The following TMED5 variants were observed in gnomAD, a reference collection of about 807,000 sequenced individuals.
The protein encoded by TMED5 is transmembrane p24 trafficking protein 5.
In TMED5, 27 loss-of-function variants were observed where a neutral mutation model predicts 23.0. The ratio of observed to expected loss-of-function variants is 1.17; its 90% CI spans 0.86 to 1.62. TMED5 has a LOEUF of 1.62. Among genes scored for constraint, TMED5 ranks in the 40% most tolerant of loss-of-function variants. TMED5 has a pLI of 0.00. For synonymous variants in TMED5, 97 were observed against 100.8 expected (o/e 0.96, Z 0.23); for missense variants, 248 against 273.7 (o/e 0.91, Z 0.66).
chr1:93,163,839 T>C (rs1331567996), intron 1 of TMED5, among the ~76,000 whole-genome samples: 1 of 151,334 alleles, frequency 6.6e-6, no homozygotes, highest in African/African-American at 2.4e-5. Context: ...AAAAATTAGC[T>C]GGACATGGTG....
In TMED5 at chr1:93,159,856, G is replaced by A. The variant is rs565714414; in HGVS notation, c.287+273C>T. ...CCAGAAGGCAGGTTTAAAATGCCAC[G>A]ATAGATTGAATGGAATACCAGGGGA... On this transcript the variant is annotated intron_variant, in intron 2 of 3. Transcript: ENST00000370282. Among the ~76,000 whole-genome samples the A allele has an allele frequency of 3.9e-5, 6 of 152,276 alleles. No individual in the cohort carries two copies. In the East Asian group the frequency reaches 7.7e-4, roughly 20 times the overall value.
At chr1:93,158,259 T>G (rs1261596020) in intron 2 of TMED5, among the ~76,000 whole-genome samples, 1 of 152,240 alleles carries the variant, frequency 6.6e-6, no homozygotes, top group Admixed American at 6.5e-5. Flanking sequence ...TATGCCTCAG[T>G]TTCCCCATTG....
intron 3 of TMED5, among the ~76,000 whole-genome samples, chr1:93,155,775 G>C (rs1251079735): frequency 6.6e-6 from 1 of 151,886 alleles, no homozygotes; most frequent in Non-Finnish European, 1.5e-5. Context: ...ACCATGCCTG[G>C]CAAATGATTT....
intron 1 of TMED5, among the ~76,000 whole-genome samples, chr1:93,165,344 AT>A (rs1359849513): frequency 6.6e-6 from 1 of 152,212 alleles, no homozygotes; most frequent in Non-Finnish European, 1.5e-5. Flanking sequence ...ACAATCTTTT[AT>A]TTTTTTAATC....
In TMED5 at chr1:93,178,126, T is replaced by C. The variant is rs565218526; in HGVS notation, c.189+1928A>G. The stretch of plus-strand genomic sequence containing the variant: ...GATCTGCTTAAATCTTAAATGGACT[T>C]GTACAAAATTAAGGAAAACCTACTC... On this transcript the variant is annotated intron_variant, in intron 1 of 3. Coordinates refer to ENST00000370282, the MANE Select transcript of TMED5 (RefSeq NM_016040.5). Among the ~76,000 whole-genome samples the C allele has an allele frequency of 2.8e-4, 43 of 152,282 alleles. No homozygotes were observed. The South Asian group carries it at 8.5e-3, about 30-fold the overall frequency.
chr1:93,158,143 A>T (rs1194445239), intron 2 of TMED5, among the ~76,000 whole-genome samples: 4 of 151,958 alleles, frequency 2.6e-5, no homozygotes, highest in Admixed American at 2.6e-4. Flanking sequence ...AAAAAAAAAA[A>T]AATTTGTAAA....
chr1:93,155,834 TA>T (rs947379612), intron 3 of TMED5, among the ~76,000 whole-genome samples: 8 of 152,196 alleles, frequency 5.3e-5, no homozygotes, highest in African/African-American at 1.9e-4. Flanking sequence ...ACCTATTACA[TA>T]ATGCATGTGT....
rs1216665954 is a variant in TMED5 at position 93,153,993 on chromosome 1, A to T, written c.*677T>A. On this transcript the variant is annotated 3_prime_UTR_variant, in exon 4 of 4. Coordinates refer to ENST00000370282, the MANE Select transcript of TMED5 (RefSeq NM_016040.5). ...AGAGAAAACATGTCCTAATTTTAGT[A>T]AGTGTAACTTTGTGTTTTTAAGAAT... The T allele has an allele frequency of 6.6e-6, 1 of 152,602 alleles. No homozygotes were observed. Among genetic ancestry groups the T allele is most frequent in the Non-Finnish European group, 1.5e-5 (1 of 67,992 alleles). The allele number at this position is 152,602 out of a possible 1,614,324, so 9.5% of individuals were successfully genotyped here. A position where few individuals can be genotyped will look rare whatever the true frequency, so the allele number is the denominator to read the frequency against.
At chr1:93,172,322 A>C (rs1359983145) in intron 1 of TMED5, among the ~76,000 whole-genome samples, 1 of 152,228 alleles carries the variant, frequency 6.6e-6, no homozygotes, top group Admixed American at 6.5e-5. Flanking sequence ...GCCAAAAAAA[A>C]ACCCGTCCCG....
At chr1:93,174,901 T>C (rs1329005267) in intron 1 of TMED5, among the ~76,000 whole-genome samples, 1 of 151,928 alleles carries the variant, frequency 6.6e-6, no homozygotes, top group African/African-American at 2.4e-5. Flanking sequence ...TTGCTGGGCA[T>C]TTAGTTGATT....
At chr1:93,155,585 C>T (rs543863674) in intron 3 of TMED5, among the ~76,000 whole-genome samples, 104 of 144,616 alleles carry the variant, frequency 7.2e-4, no homozygotes, top group African/African-American at 2.5e-3. Context: ...GGCACAATCT[C>T]GGCTCATTGC....
chr1:93,154,630 A>G lies in TMED5; in HGVS notation c.*40T>C, dbSNP rs1647989112. On this transcript the variant is annotated 3_prime_UTR_variant, in exon 4 of 4. Transcript: ENST00000370282. ...GACTGTAACAGTTTATTGCATTTTT[A>G]TGCCTCATTTTTCAATGTTACGTAC... 1.4e-6 allele frequency: 2 copies of G among 1,443,500 alleles called. No homozygotes were observed. The highest frequency in any genetic ancestry group is 1.7e-5 in the Admixed American group (1 of 57,834). The allele number at this position is 1,443,500 out of a possible 1,614,324, so 89.4% of individuals were successfully genotyped here. A position where few individuals can be genotyped will look rare whatever the true frequency, so the allele number is the denominator to read the frequency against.
chr1:93,156,182 A>C (rs41298525), intron 3 of TMED5, 118 bp downstream of exon 3: 23,184 of 1,177,620 alleles, frequency 0.02, 257 homozygotes, highest in Non-Finnish European at 0.023. Flanking sequence ...GCAAAAATAA[A>C]ATATTAGAAA....
intron 2 of TMED5, 57 bp from the exon 3 acceptor site, chr1:93,156,540 G>C: frequency 7.1e-7 from 1 of 1,400,550 alleles, no homozygotes; most frequent in Non-Finnish European, 1.0e-6. Flanking sequence ...GTGATGAAAA[G>C]CAACTAAAGG....
rs1005970342 is a variant in TMED5 at position 93,152,376 on chromosome 1, T to TA, written c.*2293dup. 3 of 152,278 alleles carry TA rather than the reference T, an allele frequency of 2.0e-5. No homozygotes were observed. Among genetic ancestry groups the TA allele is most frequent in the African/African-American group, 4.8e-5 (2 of 41,424 alleles). The allele number at this position is 152,278 out of a possible 1,614,324, so 9.4% of individuals were successfully genotyped here. A position where few individuals can be genotyped will look rare whatever the true frequency, so the allele number is the denominator to read the frequency against. ...TAATTTAGAAATGGAATAGTGAAAT[T>TA]AAAAAAAGCATATGAAGCAGATAAA... is the stretch of plus-strand genomic sequence containing the variant. On this transcript the variant is annotated 3_prime_UTR_variant, in exon 4 of 4. Coordinates refer to ENST00000370282, the MANE Select transcript of TMED5 (RefSeq NM_016040.5).
Position 93,156,423 on chromosome 1 carries a change from A to G in TMED5, c.348T>C (p.Ser116=), listed in dbSNP as rs1429727253. 1.2e-6 allele frequency: 2 copies of G among 1,613,964 alleles called. No individual in the cohort carries two copies. The highest frequency in any genetic ancestry group is 8.5e-7 in the Non-Finnish European group (1 of 1,179,886). ...FCFDNTFSTI[S]EKVIFFELIL... ...TTAATTCAAAGAAAATCACCTTCTC[A>G]GAAATGGTGCTGAATGTATTGTCAA... Residue 116 remains serine (S), a synonymous_variant, in exon 3 of 4, where the codon TCT becomes TCC. Transcript: ENST00000370282.
intron 1 of TMED5, among the ~76,000 whole-genome samples, chr1:93,166,112 G>C (rs1430458239): frequency 1.3e-5 from 2 of 152,200 alleles, no homozygotes; most frequent in African/African-American, 4.8e-5. Flanking sequence ...CTTTATGGCT[G>C]AATAGTACTC....
chr1:93,164,880 G>A (rs926872529), intron 1 of TMED5, among the ~76,000 whole-genome samples: 28 of 152,152 alleles, frequency 1.8e-4, no homozygotes, highest in African/African-American at 6.5e-4. Context: ...TTCATAATCA[G>A]GTTACTAAAG....
rs1647940375 is a variant in TMED5, at chr1:93,153,235, C to T, written c.*1435G>A. On this transcript the variant is annotated 3_prime_UTR_variant, in exon 4 of 4. Transcript: ENST00000370282. Reference sequence around the variant, plus strand: ...ACTTGAGTAAGACCCCCATAGACTTCAAAAAGCTAGATGGCAGAAACTTTG... The same window carrying T: ...ACTTGAGTAAGACCCCCATAGACTTTAAAAAGCTAGATGGCAGAAACTTTG... 6.6e-6 allele frequency: 1 copy of T among 152,274 alleles called. No individual in the cohort carries two copies. Among genetic ancestry groups the T allele is most frequent in the South Asian group, 2.1e-4 (1 of 4,832 alleles). The allele number at this position is 152,274 out of a possible 1,614,324, so 9.4% of individuals were successfully genotyped here.
Sources: allele counts gnomAD v4.1 joint callset (sites outside exome capture counted in the v4.1 genomes callset), GRCh38; gene constraint gnomAD v4.1.1; transcripts MANE v1.5; gene names NCBI Gene and HGNC (gene_info 2026-07-23, HGNC 2026-07-21).